The following TMPRSS11F variants were observed in gnomAD, a reference collection of about 807,000 sequenced individuals.
TMPRSS11F encodes transmembrane protease serine 11F.
TMPRSS11F carries 47 observed loss-of-function variants against 60.2 expected under a neutral mutation model. The ratio of observed to expected loss-of-function variants is 0.78; its 90% confidence interval spans 0.62 to 1.00. The LOEUF (loss-of-function observed/expected upper bound fraction) is 1.00, where lower values mean the gene tolerates loss of function less well. Among genes scored for constraint, TMPRSS11F ranks in the 50% least tolerant of loss-of-function variants. The probability of loss-of-function intolerance (pLI) is 0.00; values close to 1 mark genes in which losing one functional copy is unlikely to be tolerated. For missense variants in TMPRSS11F, 519 were observed against 522.9 expected, an observed-to-expected ratio of 0.99 and a Z score of 0.07; for synonymous variants, 166 against 167.3, an observed-to-expected ratio of 0.99 and a Z score of 0.06.
chr4:68,075,350 G>A (rs183971326), intron 3 of TMPRSS11F, among the ~76,000 whole-genome samples: 70 of 152,124 alleles, frequency 4.6e-4, no homozygotes, highest in East Asian at 3.5e-3. Flanking sequence ...TGTTCCCTCC[G>A]AATACTGCAA....
chr4:68,124,921 G>C (rs1724687377), intron 1 of TMPRSS11F, among the ~76,000 whole-genome samples: 1 of 134,204 alleles, frequency 7.5e-6, no homozygotes. Context: ...AAAGTAGTTT[G>C]ACATTCTAAG....
intron 1 of TMPRSS11F, among the ~76,000 whole-genome samples, chr4:68,102,467 C>G (rs1724213099): frequency 6.6e-6 from 1 of 152,086 alleles, no homozygotes; most frequent in African/African-American, 2.4e-5. Flanking sequence ...TTCTCCATAC[C>G]CTGGTCAACA....
At chr4:68,058,395 A>AGTAGAAGC (rs1723089070) in intron 9 of TMPRSS11F, among the ~76,000 whole-genome samples, 1 of 152,240 alleles carries the variant, frequency 6.6e-6, no homozygotes, top group Non-Finnish European at 1.5e-5. Context: ...AAGCTGGAAA[A>AGTAGAAGC]GTAGAAGCTG....
chr4:68,062,610 A>C (rs199782633), intron 8 of TMPRSS11F: 2 of 853,624 alleles, frequency 2.3e-6, no homozygotes, highest in Admixed American at 3.4e-5. Flanking sequence ...ATTTCAGTCC[A>C]GTGATTGAGT....
intron 2 of TMPRSS11F, 37 bp from the exon 3 acceptor site, chr4:68,090,678 G>A: frequency 6.4e-6 from 10 of 1,568,800 alleles, no homozygotes; most frequent in Non-Finnish European, 8.7e-6. Flanking sequence ...CATGGTTAAA[G>A]GTAATAAGTT....
intron 1 of TMPRSS11F, among the ~76,000 whole-genome samples, chr4:68,107,286 C>A (rs1038286514): frequency 6.6e-6 from 1 of 152,102 alleles, no homozygotes; most frequent in Non-Finnish European, 1.5e-5. Context: ...ATATAGACTG[C>A]CTTTATGTGT....
chr4:68,112,955 T>C (rs1029076429), intron 1 of TMPRSS11F, among the ~76,000 whole-genome samples: 4 of 152,198 alleles, frequency 2.6e-5, no homozygotes, highest in Non-Finnish European at 5.9e-5. Context: ...CCATAGAAAG[T>C]AAAATTCTGA....
intron 3 of TMPRSS11F, among the ~76,000 whole-genome samples, chr4:68,086,389 C>T (rs1026234035): frequency 3.3e-5 from 5 of 152,040 alleles, no homozygotes; most frequent in African/African-American, 1.2e-4. Context: ...TTAAGAGGAA[C>T]GTCTATAGCA....
Position 68,064,959 on chromosome 4 carries a change from A to G in TMPRSS11F, c.756-15T>C, listed in dbSNP as rs1198716323. On this transcript the variant is annotated splice_polypyrimidine_tract_variant and intron_variant, in intron 7 of 9. Transcript: ENST00000356291. ...GGTCTTTATTTCTGCAAAAAATTAAAAAGTAATACTTGTGATGCTTGACTT... is the reference window on the plus strand; with the variant it reads ...GGTCTTTATTTCTGCAAAAAATTAAGAAGTAATACTTGTGATGCTTGACTT... 1.2e-5 allele frequency: 19 copies of G among 1,603,200 alleles called. No homozygotes were observed. The highest frequency in any genetic ancestry group is 1.7e-5 in the Admixed American group (1 of 58,984).
intron 1 of TMPRSS11F, among the ~76,000 whole-genome samples, chr4:68,114,612 A>G (rs755825151): frequency 4.5e-4 from 68 of 152,130 alleles, no homozygotes; most frequent in Non-Finnish European, 8.4e-4. Context: ...GAAAATAGAA[A>G]AAAAGGAAAT....
intron 2 of TMPRSS11F, among the ~76,000 whole-genome samples, chr4:68,091,773 C>A (rs150178174): frequency 0.42 from 59,826 of 142,570 alleles, 13,501 homozygotes; most frequent in Non-Finnish European, 0.54. Flanking sequence ...CTCTCTCTCT[C>A]TCTCTCTCTC....
chr4:68,083,297 G>A (rs1437583191), intron 3 of TMPRSS11F, among the ~76,000 whole-genome samples: 1 of 152,148 alleles, frequency 6.6e-6, no homozygotes, highest in Admixed American at 6.5e-5. Context: ...CTAAAGAAAT[G>A]AGGGCATGGT....
chr4:68,124,231 A>C (rs1045453293), intron 1 of TMPRSS11F, among the ~76,000 whole-genome samples: 3 of 151,900 alleles, frequency 2.0e-5, no homozygotes, highest in Non-Finnish European at 4.4e-5. Flanking sequence ...AAAAAAAAAA[A>C]AAAACAAACC....
chr4:68,102,403 T>G (rs1724211728), intron 1 of TMPRSS11F, among the ~76,000 whole-genome samples: 1 of 152,188 alleles, frequency 6.6e-6, no homozygotes, highest in Non-Finnish European at 1.5e-5. Flanking sequence ...CATACTGTTT[T>G]TAAAAATGTC....
At position 68,087,413 on chromosome 4, in the gene TMPRSS11F, TGGGC is replaced by T. The variant is rs1224015807; in HGVS notation, c.282+3106_282+3109del. Reference sequence around the variant, plus strand: ...AACCCACAGCCAACATCACACTGAATGGGCAAAAGCTGGAACCATTCCCCTTGAG... The same window carrying T: ...AACCCACAGCCAACATCACACTGAATAAAAGCTGGAACCATTCCCCTTGAG... On this transcript the variant is annotated intron_variant, in intron 3 of 9. Transcript: ENST00000356291. Among the ~76,000 whole-genome samples the T allele has an allele frequency of 2.6e-5, 4 of 152,224 alleles. No individual in the cohort carries two copies. In the East Asian group the frequency reaches 5.8e-4, roughly 22 times the overall value.
chr4:68,098,587 T>C (rs1219025958), intron 2 of TMPRSS11F, among the ~76,000 whole-genome samples: 1 of 152,214 alleles, frequency 6.6e-6, no homozygotes, highest in African/African-American at 2.4e-5. Flanking sequence ...AAGAGTATAC[T>C]AAACTCTCAG....
At chr4:68,060,555 T>C (rs1723146634) in intron 8 of TMPRSS11F, among the ~76,000 whole-genome samples, 1 of 16,888 alleles carries the variant, frequency 5.9e-5, no homozygotes, top group South Asian at 3.1e-3. Context: ...ATATTAACAC[T>C]AGTTTTTTTT....
intron 7 of TMPRSS11F, among the ~76,000 whole-genome samples, 186 bp from the exon 8 acceptor site, chr4:68,065,130 ATAAT>A (rs1331081502): frequency 2.6e-5 from 4 of 152,240 alleles, no homozygotes; most frequent in East Asian, 3.8e-4. Flanking sequence ...TTATGTACAA[ATAAT>A]TAATAACTGA....
At chr4:68,113,697 C>T (rs532533380) in intron 1 of TMPRSS11F, among the ~76,000 whole-genome samples, 23 of 152,230 alleles carry the variant, frequency 1.5e-4, no homozygotes, top group African/African-American at 5.5e-4. Context: ...TTTAAGACAT[C>T]AACACTCTTC....
Sources: allele counts gnomAD v4.1 joint callset (sites outside exome capture counted in the v4.1 genomes callset), GRCh38; gene constraint gnomAD v4.1.1; transcripts MANE v1.5; gene names NCBI Gene and HGNC (gene_info 2026-07-23, HGNC 2026-07-21).